The following CACNA1S variants were observed in gnomAD, a reference collection of about 807,000 sequenced individuals.
The protein encoded by CACNA1S is calcium voltage-gated channel subunit alpha1 S.
CACNA1S carries 126 observed loss-of-function variants against 207.4 expected under a neutral mutation model. That is an observed-to-expected ratio of 0.61 (90% CI 0.53 to 0.70). The LOEUF (loss-of-function observed/expected upper bound fraction) is 0.70. Ranked by LOEUF, CACNA1S falls within the 30% of genes least tolerant of loss-of-function variation. The pLI is 0.00. For synonymous variants in CACNA1S, 960 were observed against 932.7 expected (o/e 1.03, Z -0.53); for missense variants, 2,349 against 2,422.8 (o/e 0.97, Z 0.64).
Position 201,065,938 on chromosome 1 carries a change from A to G in CACNA1S, c.2753T>C (p.Val918Ala), listed in dbSNP as rs1558065055. ...INRAKGLKHV[V>A]QCMFVAISTI... Reference sequence around the variant, plus strand: ...GCTGATGGCCACGAACATGCACTGCACCACGTGCTGGGGACAGAGGGGCCA... The same window carrying G: ...GCTGATGGCCACGAACATGCACTGCGCCACGTGCTGGGGACAGAGGGGCCA... Residue 918 changes from valine (V) to alanine (A), a missense_variant, in exon 22 of 44, where the codon GTG becomes GCG. Transcript: ENST00000362061. 1 of 1,610,028 alleles carries G rather than the reference A, an allele frequency of 6.2e-7. No homozygotes were observed. The highest frequency in any genetic ancestry group is 8.5e-7 in the Non-Finnish European group (1 of 1,176,632).
Position 201,069,118 on chromosome 1 carries a change from C to T in CACNA1S, c.2550+19G>A, listed in dbSNP as rs1411945510. On this transcript the variant is annotated intron_variant, in intron 19 of 43. Transcript: ENST00000362061. ...CAGGGAAACTCCCTCCCCAGGGCTG[C>T]CCCACAGCCTTCACTCACCTTGAGG... 1 of 1,610,126 alleles carries T rather than the reference C, an allele frequency of 6.2e-7. No individual in the cohort carries two copies.
chr1:201,045,812 T>G (rs1473945670), intron 38 of CACNA1S, among the ~76,000 whole-genome samples: 1 of 151,508 alleles, frequency 6.6e-6, no homozygotes, highest in African/African-American at 2.4e-5. Flanking sequence ...CATAGAAGAA[T>G]TATGCAGGAT....
chr1:201,048,437 A>G (rs1660543244), intron 36 of CACNA1S, 145 bp downstream of exon 36: 2 of 720,660 alleles, frequency 2.8e-6, no homozygotes, highest in Admixed American at 2.0e-5. Flanking sequence ...GGGCATGAGG[A>G]CTTTGTGCCC....
At chr1:201,103,929 G>A (rs1396037343) in intron 2 of CACNA1S, among the ~76,000 whole-genome samples, 1 of 152,250 alleles carries the variant, frequency 6.6e-6, no homozygotes, top group East Asian at 1.9e-4. Context: ...CCTGAGGGGT[G>A]GGAAGCCACC....
intron 11 of CACNA1S, among the ~76,000 whole-genome samples, 200 bp from the exon 12 acceptor site, chr1:201,077,327 C>G (rs191828349): frequency 6.6e-6 from 1 of 152,334 alleles, no homozygotes; most frequent in Non-Finnish European, 1.5e-5. Flanking sequence ...TGTAATTTCA[C>G]GCTGGTTAAT....
At chr1:201,101,617 T>C (rs1334266051) in intron 2 of CACNA1S, among the ~76,000 whole-genome samples, 1 of 152,218 alleles carries the variant, frequency 6.6e-6, no homozygotes, top group Non-Finnish European at 1.5e-5. Flanking sequence ...GACTCGCACC[T>C]TTCAGGGCCG....
chr1:201,070,558 C>T (rs1434878435), intron 16 of CACNA1S, among the ~76,000 whole-genome samples, 154 bp from the exon 17 acceptor site: 2 of 152,196 alleles, frequency 1.3e-5, no homozygotes, highest in Non-Finnish European at 2.9e-5. Flanking sequence ...GAGTCCAGCC[C>T]GGGCATCTCC....
intron 14 of CACNA1S, 34 bp downstream of exon 14, chr1:201,074,472 A>G: frequency 7.3e-7 from 1 of 1,368,820 alleles, no homozygotes; most frequent in Non-Finnish European, 1.0e-6. Context: ...ACGACTGAGC[A>G]CTCCAGGTCC....
In CACNA1S at chr1:201,050,996, G is replaced by C; in HGVS notation, c.4101C>G (p.Leu1367=). The C allele has an allele frequency of 4.3e-6, 7 of 1,614,238 alleles. No individual in the cohort carries two copies. Among genetic ancestry groups the C allele is most frequent in the Non-Finnish European group, 5.9e-6 (7 of 1,180,040 alleles). Residue 1367 remains leucine, a synonymous_variant, in exon 33 of 44, where the codon CTC becomes CTG. Coordinates refer to ENST00000362061, the MANE Select transcript of CACNA1S (RefSeq NM_000069.3). ...AYYYFISFYM[L]CAFLVINLFV... ...CTCAGCATCTCACCAGGAAGGCACAGAGCATGTAGAAGCTGATGAAGTAGT... is the reference window on the plus strand; with the variant it reads ...CTCAGCATCTCACCAGGAAGGCACACAGCATGTAGAAGCTGATGAAGTAGT...
At position 201,073,574 on chromosome 1, in the gene CACNA1S, C is replaced by A. The variant is rs776860803; in HGVS notation, c.2132G>T (p.Gly711Val). The change falls in exon 15 of 44, where the codon GGT becomes GTT. Residue 711 changes from glycine to valine, a missense_variant. Physicochemically the swap from Gly to Val is moderately radical, Grantham distance 109 (BLOSUM62 -3). Coordinates refer to ENST00000362061, the MANE Select transcript of CACNA1S (RefSeq NM_000069.3). ...CTTGGCAGTGGTGGGGATGCCCTCA[C>A]CCTTGGGTTTCTGCTCCAGCTTCTT... ...MAKKLEQKPK[G>V]EGIPTTAKLK... The A allele has an allele frequency of 6.2e-7, 1 of 1,614,214 alleles. No homozygotes were observed. Among genetic ancestry groups the A allele is most frequent in the South Asian group, 1.1e-5 (1 of 91,092 alleles).
intron 2 of CACNA1S, among the ~76,000 whole-genome samples, chr1:201,103,171 G>A (rs756633209): frequency 3.2e-4 from 48 of 151,934 alleles, no homozygotes; most frequent in Non-Finnish European, 5.4e-4. Flanking sequence ...GCTTGAACCT[G>A]GGAAGTGGAG....
At chr1:201,101,283 G>A (rs1287242531) in intron 2 of CACNA1S, among the ~76,000 whole-genome samples, 3 of 152,156 alleles carry the variant, frequency 2.0e-5, no homozygotes, top group African/African-American at 7.2e-5. Flanking sequence ...AGGTTCTCTG[G>A]GGTTCCATCC....
In CACNA1S at chr1:201,053,079, C is replaced by T. The variant is rs1469489064; in HGVS notation, c.3861+130G>A. On this transcript the variant is annotated intron_variant, in intron 31 of 43. Transcript: ENST00000362061. The surrounding 1 kb of genome is among the most constrained non-coding windows in gnomAD (Gnocchi z 5.1). ...ACGATCAGGGAGGTTGTCCCTCCTTCTTTCTCACGAGCAAGGCAGGGAGGG... is the reference window on the plus strand; with the variant it reads ...ACGATCAGGGAGGTTGTCCCTCCTTTTTTCTCACGAGCAAGGCAGGGAGGG... 1 of 1,083,090 alleles carries T rather than the reference C, an allele frequency of 9.2e-7. No homozygotes were observed. Among genetic ancestry groups the T allele is most frequent in the African/African-American group, 1.5e-5 (1 of 64,654 alleles). The allele number at this position is 1,083,090 out of a possible 1,614,324, so 67.1% of individuals were successfully genotyped here. A position where few individuals can be genotyped will look rare whatever the true frequency, so the allele number is the denominator to read the frequency against.
chr1:201,072,397 C>T (rs990052627), intron 16 of CACNA1S, among the ~76,000 whole-genome samples: 13 of 152,110 alleles, frequency 8.5e-5, no homozygotes, highest in South Asian at 2.1e-4. Context: ...CATATATGGG[C>T]GTGTCCTCAT....
intron 2 of CACNA1S, among the ~76,000 whole-genome samples, chr1:201,100,793 G>A (rs1205361458): frequency 6.6e-6 from 1 of 152,084 alleles, no homozygotes; most frequent in Non-Finnish European, 1.5e-5. Flanking sequence ...ACCCGCTTAT[G>A]AGCCCGGCCC....
At chr1:201,050,763 A>G (rs1380019044) in intron 33 of CACNA1S, among the ~76,000 whole-genome samples, 3 of 152,088 alleles carry the variant, frequency 2.0e-5, no homozygotes, top group Non-Finnish European at 2.9e-5. Flanking sequence ...AAAAAAAAAA[A>G]GTAAGAACTT....
rs756090938 is a variant in CACNA1S, at chr1:201,039,879, G to A, written c.5574C>T (p.Leu1858=). ...TCTCCTGGGAGCCCTGGTGTTGGTC[G>A]AGGCTGCCCAGGGAGGACCCGAGGT... The part of the protein sequence containing the change: ...CLNLGSSLGS[L]DQHQGSQETL... Residue 1858 remains leucine (L), a synonymous_variant, in exon 44 of 44, where the codon CTC becomes CTT. Transcript: ENST00000362061. The A allele has an allele frequency of 9.9e-6, 16 of 1,611,574 alleles. No individual in the cohort carries two copies. Among genetic ancestry groups the A allele is most frequent in the Non-Finnish European group, 1.3e-5 (15 of 1,179,976 alleles).
At chr1:201,042,621 G>A (rs1250534694) in intron 40 of CACNA1S, among the ~76,000 whole-genome samples, 4 of 152,250 alleles carry the variant, frequency 2.6e-5, no homozygotes, top group South Asian at 2.1e-4. Flanking sequence ...CTCTGTGACT[G>A]GAAGGGGTGC....
At chr1:201,081,636 T>C (rs554866696) in intron 10 of CACNA1S, among the ~76,000 whole-genome samples, 37 of 152,370 alleles carry the variant, frequency 2.4e-4, no homozygotes, top group African/African-American at 8.7e-4. Context: ...TAAGGCCTGA[T>C]ATCGTTTGGA....
Sources: allele counts gnomAD v4.1 joint callset (sites outside exome capture counted in the v4.1 genomes callset), GRCh38; gene constraint gnomAD v4.1.1; non-coding constraint Gnocchi (gnomAD v3.1); transcripts MANE v1.5; gene names NCBI Gene and HGNC (gene_info 2026-07-23, HGNC 2026-07-21).